The following ERICH2 variants were observed in gnomAD, a reference collection of about 807,000 sequenced individuals.
The protein encoded by ERICH2 is glutamate-rich protein 2.
In ERICH2, 17 loss-of-function variants were observed where a neutral mutation model predicts 17.4. That is an observed-to-expected ratio of 0.98 (90% CI 0.67 to 1.47). ERICH2 has a LOEUF of 1.47. Ranked by LOEUF, ERICH2 falls within the 40% of genes most tolerant of loss-of-function variation. The pLI, the probability that ERICH2 is intolerant of heterozygous loss-of-function variation, is 0.00. For missense variants in ERICH2, 186 were observed against 183.2 expected (o/e 1.01, Z -0.09); for synonymous variants, 51 against 61.1 (o/e 0.83, Z 0.77).
Position 170,798,052 on chromosome 2 carries a change from GA to G in ERICH2, c.288del (p.Glu96AspfsTer19). The stretch of plus-strand genomic sequence containing the variant: ...ATTTTCATTTTCAGTCCTAATCTAT[GA>G]ACCAGAAAATCCTGAGGCCAAGGAG... On this transcript the variant is annotated frameshift_variant, in exon 4 of 5. Coordinates refer to ENST00000409885, the Ensembl canonical transcript of ERICH2. LOFTEE classifies it high-confidence loss of function. 1.3e-6 allele frequency: 2 copies of G among 1,548,002 alleles called. No homozygotes were observed. The highest frequency in any genetic ancestry group is 8.7e-7 in the Non-Finnish European group (1 of 1,144,728).
chr2:170,784,973 C>A, intron 2 of ERICH2, 140 bp downstream of exon 7: 1 of 662,000 alleles, frequency 1.5e-6, no homozygotes, highest in Non-Finnish European at 2.3e-6. Flanking sequence ...TTACCAGAAG[C>A]TGGACGGGAA....
intron 3 of ERICH2, among the ~76,000 whole-genome samples, chr2:170,794,823 T>C (rs1701377198): frequency 6.6e-6 from 1 of 152,244 alleles, no homozygotes; most frequent in East Asian, 1.9e-4. Flanking sequence ...CAACTGTGGA[T>C]AGAGTACTTC....
At chr2:170,794,176 C>T (rs1010404926) in intron 3 of ERICH2, among the ~76,000 whole-genome samples, 3 of 137,446 alleles carry the variant, frequency 2.2e-5, no homozygotes, top group East Asian at 4.7e-4. Flanking sequence ...GTGCAATCTC[C>T]GCTCACTGCA....
rs10658304 is a variant in ERICH2 at position 170,791,527 on chromosome 2, T to TAAAAAAAAAAAA, written c.217-1334_217-1323dup. Among the ~76,000 whole-genome samples, 4 of 121,596 alleles carry TAAAAAAAAAAAA rather than the reference T, an allele frequency of 3.3e-5. No homozygotes were observed. The Admixed American group carries it at 3.3e-4, about 10-fold the overall frequency. 79.8% of individuals were successfully genotyped at this position (121,596 alleles called of 152,430 possible). A position where few individuals can be genotyped will look rare whatever the true frequency, so the allele number is the denominator to read the frequency against. ...TAACATGGTGAAACCCCGTCTCTAC[T>TAAAAAAAAAAAA]AAAAAAAAAAAAATTAGCCGGGCGT... On this transcript the variant is annotated intron_variant, in intron 2 of 4. Coordinates refer to ENST00000409885, the Ensembl canonical transcript of ERICH2.
At chr2:170,780,740 T>C (rs1463116905), upstream of ERICH2, among the ~76,000 whole-genome samples, 1 of 152,218 alleles carries the variant, frequency 6.6e-6, no homozygotes, top group African/African-American at 2.4e-5. Flanking sequence ...CATAAAACGA[T>C]GGTATGTCTT....
intron 2 of ERICH2, among the ~76,000 whole-genome samples, chr2:170,791,678 A>G (rs1701293989): frequency 1.3e-5 from 2 of 151,752 alleles, no homozygotes; most frequent in South Asian, 4.1e-4. Flanking sequence ...CGACAGAGCG[A>G]GACTCCGTCT....
the ERICH2 span, chr2:170,777,890 G>T: frequency 2.6e-6 from 1 of 391,584 alleles, no homozygotes; most frequent in Non-Finnish European, 4.5e-6. Flanking sequence ...AAATGCAGAA[G>T]TATAGATAAT....
At chr2:170,792,762 T>C (rs1201568819) in intron 2 of ERICH2, 101 bp from the exon 8 acceptor site, 2 of 685,646 alleles carry the variant, frequency 2.9e-6, no homozygotes, top group African/African-American at 1.8e-5. Flanking sequence ...CATGTGGAAG[T>C]GTTAAAAGCA....
chr2:170,781,367 G>A (rs1701023847), upstream of ERICH2, among the ~76,000 whole-genome samples: 1 of 152,154 alleles, frequency 6.6e-6, no homozygotes, highest in African/African-American at 2.4e-5. Context: ...TGGGCACAGT[G>A]GTTCATGCCT....
intron 2 of ERICH2, among the ~76,000 whole-genome samples, chr2:170,788,331 T>TGGA (rs1168846764): frequency 3.3e-5 from 5 of 152,322 alleles, no homozygotes; most frequent in African/African-American, 1.2e-4. Context: ...TTTTCAACAT[T>TGGA]TAATTATAAA....
chr2:170,770,395 C>T, the ERICH2 span, among the ~76,000 whole-genome samples: 1 of 152,186 alleles, frequency 6.6e-6, no homozygotes, highest in Admixed American at 6.5e-5. Context: ...AGCAGCAGCT[C>T]TGGCGCTAGA....
At position 170,792,859 on chromosome 2, in the gene ERICH2, C is replaced by T. The variant is rs1305988358; in HGVS notation, c.217-4C>T. ...ACTTATCTGAAGAATTTAATGTTTT[C>T]CAGTTTCTGAGAGCAGAAATGGCCC... On this transcript the variant is annotated splice_polypyrimidine_tract_variant and splice_region_variant and intron_variant, in intron 2 of 4. Coordinates refer to ENST00000409885, the Ensembl canonical transcript of ERICH2. The T allele has an allele frequency of 7.3e-6, 11 of 1,501,574 alleles. No homozygotes were observed. Among genetic ancestry groups the T allele is most frequent in the Non-Finnish European group, 8.1e-6 (9 of 1,117,530 alleles). 93.0% of individuals were successfully genotyped at this position (1,501,574 alleles called of 1,614,324 possible).
At chr2:170,796,878 GGAA>G (rs1701439583) in intron 3 of ERICH2, among the ~76,000 whole-genome samples, 1 of 152,150 alleles carries the variant, frequency 6.6e-6, no homozygotes, top group Admixed American at 6.5e-5. Flanking sequence ...AAGGCTGGTA[GGAA>G]GAAGTAGAGA....
upstream of ERICH2, among the ~76,000 whole-genome samples, chr2:170,778,975 C>A (rs6711176): frequency 0.42 from 63,230 of 151,486 alleles, 14,304 homozygotes; most frequent in African/African-American, 0.58. Context: ...GATCTCAGTC[C>A]TAATTGCATC....
At chr2:170,781,330 G>C (rs1447362267), upstream of ERICH2, among the ~76,000 whole-genome samples, 5 of 151,974 alleles carry the variant, frequency 3.3e-5, no homozygotes, top group Admixed American at 6.6e-5. Context: ...AGATTCTCAA[G>C]ACCTCAAAAA....
At chr2:170,775,261 C>T in the ERICH2 span, among the ~76,000 whole-genome samples, 1 of 150,688 alleles carries the variant, frequency 6.6e-6, no homozygotes, top group African/African-American at 2.4e-5. Flanking sequence ...GACCCTGTCT[C>T]TTCAAAAATA....
chr2:170,796,461 C>T (rs1390708571), intron 3 of ERICH2, among the ~76,000 whole-genome samples: 1 of 126,758 alleles, frequency 7.9e-6, no homozygotes. Context: ...TTTGAGACAG[C>T]GTCTCCCTCA....
intron 2 of ERICH2, among the ~76,000 whole-genome samples, chr2:170,790,510 C>G (rs1701263326): frequency 6.6e-6 from 1 of 152,210 alleles, no homozygotes; most frequent in Non-Finnish European, 1.5e-5. Context: ...GCCTATAATC[C>G]CAGCTATTCA....
intron 3 of ERICH2, among the ~76,000 whole-genome samples, chr2:170,796,681 C>G (rs1349223095): frequency 6.6e-6 from 1 of 152,026 alleles, no homozygotes; most frequent in African/African-American, 2.4e-5. Flanking sequence ...AAATGATCCA[C>G]CTGCCTCAGC....
Sources: allele counts gnomAD v4.1 joint callset (sites outside exome capture counted in the v4.1 genomes callset), GRCh38; gene constraint gnomAD v4.1.1; transcripts MANE v1.5; gene names NCBI Gene and HGNC (gene_info 2026-07-23, HGNC 2026-07-21).